Variants in CYP4A11 observed in about 807,000 individuals in gnomAD.
CYP4A11 encodes the protein cytochrome P450 4A11.
Under a neutral mutation model 57.7 loss-of-function variants are expected in CYP4A11, and 52 were observed. That is an observed-to-expected ratio of 0.90 (90% CI 0.72 to 1.14). The LOEUF (loss-of-function observed/expected upper bound fraction) is 1.14. Ranked by LOEUF, CYP4A11 falls within the 50% of genes most tolerant of loss-of-function variation. CYP4A11 has a pLI of 0.00. For missense variants in CYP4A11, 641 were observed against 642.1 expected, an observed-to-expected ratio of 1.00 and a Z score of 0.02; for synonymous variants, 228 against 247.1, an observed-to-expected ratio of 0.92 and a Z score of 0.72.
intron 1 of CYP4A11, among the ~76,000 whole-genome samples, chr1:46,938,867 C>G (rs1681581596): frequency 1.3e-5 from 2 of 152,222 alleles, no homozygotes; most frequent in African/African-American, 4.8e-5. Flanking sequence ...TTCAACTTCT[C>G]TTTTCTTGCC....
Position 46,936,753 on chromosome 1 carries a change from G to C in CYP4A11, c.421C>G (p.Gln141Glu). 1.2e-6 allele frequency: 2 copies of C among 1,613,782 alleles called. No individual in the cohort carries two copies. Among genetic ancestry groups the C allele is most frequent in the Non-Finnish European group, 1.7e-6 (2 of 1,179,898 alleles). Reference protein sequence around the residue: ...LLLLNGQTWFQHRRMLTPAFH... With the variant: ...LLLLNGQTWFEHRRMLTPAFH... The stretch of plus-strand genomic sequence containing the variant: ...GCTGGGGTCAGCATCCGTCGATGCT[G>C]GAACCATGTCTGCCCATTCAACAGG... Residue 141 changes from glutamine (Q) to glutamate (E), a missense_variant, in exon 4 of 12, where the codon CAG becomes GAG. Coordinates refer to ENST00000310638, the MANE Select transcript of CYP4A11 (RefSeq NM_000778.4).
At chr1:46,936,839 G>A in intron 3 of CYP4A11, 48 bp from the exon 4 acceptor site, 1 of 1,522,756 alleles carries the variant, frequency 6.6e-7, no homozygotes, top group Non-Finnish European at 8.8e-7. Context: ...GTGTGTGTGT[G>A]TGTGTCAGGG....
chr1:46,940,881 T>C, intron 1 of CYP4A11: 1 of 985,324 alleles, frequency 1.0e-6, no homozygotes, highest in Non-Finnish European at 1.2e-6. Flanking sequence ...GTGATGGCAT[T>C]GAGTGACTGG....
rs747166920 is a variant in CYP4A11, at chr1:46,930,120, G to A, written c.1555C>T (p.Leu519Phe). 10 of 1,610,578 alleles carry A rather than the reference G, an allele frequency of 6.2e-6. No individual in the cohort carries two copies. In the South Asian group the frequency reaches 9.9e-5, roughly 16 times the overall value. Residue 519 changes from leucine to phenylalanine, a missense_variant, in exon 12 of 12, where the codon CTT becomes TTT. Transcript: ENST00000310638. ...AGGACGGCAGGTGGAGGCCCTCAAA[G>A]CTGGTCCTTGTCTTCACAAGGGTTA... ...LPNPCEDKDQ[L>F]
In CYP4A11 at chr1:46,941,356, A is replaced by C. The variant is rs1681741273; in HGVS notation, c.78T>G (p.Ile26Met). The C allele has an allele frequency of 6.2e-7, 1 of 1,614,040 alleles. No homozygotes were observed. Among genetic ancestry groups the C allele is most frequent in the African/African-American group, 1.3e-5 (1 of 74,940 alleles). The change falls in exon 1 of 12, where the codon ATT (isoleucine) becomes ATG (methionine). Residue 26 changes from isoleucine (I) to methionine (M), a missense_variant. By Grantham distance (10) the Ile-to-Met change is conservative. Coordinates refer to ENST00000310638, the MANE Select transcript of CYP4A11 (RefSeq NM_000778.4). ...CTGCCTTGATCAGCAGCAGAAGCAG[A>C]ATGAGCAGGGAGGCCGCTTGGAGGA... ...SGILQAASLL[I>M]LLLLLIKAVQ...
chr1:46,931,834 T>C (rs1681047099), intron 11 of CYP4A11: 2 of 848,352 alleles, frequency 2.4e-6, no homozygotes, highest in Non-Finnish European at 2.8e-6. Context: ...CGTTTTTGCC[T>C]GTGTGTATGT....
chr1:46,938,245 A>T, intron 1 of CYP4A11, 108 bp from the exon 2 acceptor site: 1 of 1,475,712 alleles, frequency 6.8e-7, no homozygotes. Context: ...TTAGGGATTT[A>T]GATCTGTTTC....
At chr1:46,938,435 CA>C (rs1681552905) in intron 1 of CYP4A11, among the ~76,000 whole-genome samples, 1 of 152,166 alleles carries the variant, frequency 6.6e-6, no homozygotes, top group Admixed American at 6.5e-5. Context: ...GTGTATAACT[CA>C]TATTAGTTGA....
Position 46,935,576 on chromosome 1 carries a change from C to A in CYP4A11, c.582G>T (p.Leu194=). 1 of 1,613,950 alleles carries A rather than the reference C, an allele frequency of 6.2e-7. No individual in the cohort carries two copies. The highest frequency in any genetic ancestry group is 1.1e-5 in the South Asian group (1 of 91,070). The change falls in exon 5 of 12, where the codon CTG becomes CTT. Residue 194 remains leucine, a synonymous_variant. Transcript: ENST00000310638. ...EVFQHVSLMT[L]DTIMKCAFSH... ...TGAAGGCACACTTCATGATGGTGTC[C>A]AGGGTCATCAAGGAGACGTGCTGAA...
In CYP4A11 at chr1:46,934,981, C is replaced by A. The variant is rs756199409; in HGVS notation, c.790+19G>T. 2 of 1,608,920 alleles carry A rather than the reference C, an allele frequency of 1.2e-6. No homozygotes were observed. The highest frequency in any genetic ancestry group is 8.5e-7 in the Non-Finnish European group (1 of 1,176,858). ...GCTGTGCCTGGGAAAGGCTGGGAGACAAGAGGAAAAGACAGAACCTGTGTG... is the reference window on the plus strand; with the variant it reads ...GCTGTGCCTGGGAAAGGCTGGGAGAAAAGAGGAAAAGACAGAACCTGTGTG... On this transcript the variant is annotated intron_variant, in intron 6 of 11. Transcript: ENST00000310638.
chr1:46,933,737 G>C (rs1681178894), intron 9 of CYP4A11, among the ~76,000 whole-genome samples: 1 of 152,220 alleles, frequency 6.6e-6, no homozygotes, highest in South Asian at 2.1e-4. Context: ...CACATTCAGA[G>C]ATTAACATTT....
intron 1 of CYP4A11, among the ~76,000 whole-genome samples, chr1:46,939,328 C>T (rs769356569): frequency 1.3e-5 from 2 of 152,140 alleles, no homozygotes; most frequent in South Asian, 2.1e-4. Flanking sequence ...TCAGGCACTG[C>T]GTTAGGATAC....
In CYP4A11 at chr1:46,934,253, C is replaced by T. The variant is rs780849555; in HGVS notation, c.1011G>A (p.Leu337=). The T allele has an allele frequency of 1.2e-6, 2 of 1,613,474 alleles. No homozygotes were observed. The highest frequency in any genetic ancestry group is 1.7e-6 in the Non-Finnish European group (2 of 1,179,794). Residue 337 remains leucine (L), a synonymous_variant, in exon 8 of 12, where the codon CTG becomes CTA. Coordinates refer to ENST00000310638, the MANE Select transcript of CYP4A11 (RefSeq NM_000778.4). ...ASGISWILYA[L]ATHPKHQERC... is the part of the protein sequence containing the mutation. ...TCTCCTGATGCTTGGGGTGTGTGGC[C>T]AGAGCATAGAGGATCCAGGAGATCC...
intron 11 of CYP4A11, chr1:46,931,654 G>A (rs1681036762): frequency 1.5e-6 from 1 of 680,278 alleles, no homozygotes; most frequent in Non-Finnish European, 1.8e-6. Context: ...TGATTTGCAG[G>A]CAATGTTTAG....
chr1:46,932,881 C>T (rs752031079), intron 10 of CYP4A11, 44 bp from the exon 11 acceptor site: 2 of 1,614,148 alleles, frequency 1.2e-6, no homozygotes, highest in Admixed American at 3.3e-5. Context: ...GGATCCAGCA[C>T]CTACTTGCCA....
chr1:46,940,581 A>G, intron 1 of CYP4A11: 4 of 768,656 alleles, frequency 5.2e-6, no homozygotes, highest in Non-Finnish European at 6.3e-6. Flanking sequence ...CACCTGGAGA[A>G]CATTGTGCAG....
intron 1 of CYP4A11, chr1:46,940,924 G>A (rs1169611811): frequency 1.0e-6 from 1 of 985,308 alleles, no homozygotes; most frequent in Non-Finnish European, 1.2e-6. Context: ...GTTCTTTGAT[G>A]AAAGCCAAGG....
In CYP4A11 at chr1:46,935,636, T is replaced by C. The variant is rs1681339596; in HGVS notation, c.522A>G (p.Glu174=). The part of the protein sequence containing the change: ...DSVRVMLDKW[E]ELLGQDSPLE... ...GAGGGGAATCCTGGCCAAGGAGCTC[T>C]TCCCATTTGTCCTGTGGTGGGAGGG... Residue 174 remains glutamate (E), a synonymous_variant, in exon 5 of 12, where the codon GAA becomes GAG. Transcript: ENST00000310638. 1 of 1,611,888 alleles carries C rather than the reference T, an allele frequency of 6.2e-7. No individual in the cohort carries two copies. Among genetic ancestry groups the C allele is most frequent in the Non-Finnish European group, 8.5e-7 (1 of 1,178,308 alleles).
At chr1:46,938,186 T>A in intron 1 of CYP4A11, 49 bp from the exon 2 acceptor site, 1 of 1,610,894 alleles carries the variant, frequency 6.2e-7, no homozygotes, top group Non-Finnish European at 8.5e-7. Context: ...TTCTAGTCTT[T>A]GCAGCAGGAG....
Sources: gnomAD v4.1 joint callset for allele counts (sites outside exome capture counted in the v4.1 genomes callset) on GRCh38, gnomAD v4.1.1 for gene constraint, MANE v1.5 for transcripts, NCBI Gene and HGNC (gene_info 2026-07-23, HGNC 2026-07-21) for gene names.